The following GPR158 variants were observed in gnomAD, a reference collection of about 807,000 sequenced individuals.
GPR158 encodes G protein-coupled receptor 158.
GPR158 carries 30 observed loss-of-function variants against 78.2 expected under a neutral mutation model. That is an observed-to-expected ratio of 0.38 (90% CI 0.29 to 0.52). The LOEUF (loss-of-function observed/expected upper bound fraction) is 0.52. Among genes scored for constraint, GPR158 ranks in the 20% least tolerant of loss-of-function variants. The pLI, the probability that GPR158 is intolerant of heterozygous loss-of-function variation, is 0.83. For missense variants in GPR158, 1,463 were observed against 1,523.5 expected (o/e 0.96, Z 0.66); for synonymous variants, 581 against 591.1 (o/e 0.98, Z 0.25).
intron 5 of GPR158, among the ~76,000 whole-genome samples, chr10:25,514,998 A>T (rs940821096): frequency 1.3e-5 from 2 of 152,042 alleles, no homozygotes; most frequent in Non-Finnish European, 2.9e-5. Context: ...TGCCTAGGTG[A>T]TGATCTTTTT....
At chr10:25,595,326 A>G (rs1837385791) in intron 9 of GPR158, among the ~76,000 whole-genome samples, 1 of 152,246 alleles carries the variant, frequency 6.6e-6, no homozygotes, top group Admixed American at 6.5e-5. Context: ...GTATTTGTAT[A>G]GATTATCTTA....
chr10:25,526,117 A>G (rs1017459399), intron 5 of GPR158, among the ~76,000 whole-genome samples: 22 of 150,964 alleles, frequency 1.5e-4, no homozygotes, highest in African/African-American at 4.1e-4. Context: ...AAAAAAAAAA[A>G]AAAAAAAAAA....
intron 7 of GPR158, among the ~76,000 whole-genome samples, chr10:25,576,405 A>G (rs572378713): frequency 6.6e-6 from 1 of 152,262 alleles, no homozygotes; most frequent in Admixed American, 6.5e-5. Context: ...GACTGTTTTC[A>G]TTGTACTTTA....
At chr10:25,277,320 T>A (rs909549133) in intron 2 of GPR158, among the ~76,000 whole-genome samples, 4 of 152,112 alleles carry the variant, frequency 2.6e-5, no homozygotes, top group African/African-American at 9.7e-5. Flanking sequence ...GATAAAGTTA[T>A]AATGAGTAGG....
intron 7 of GPR158, among the ~76,000 whole-genome samples, chr10:25,587,125 T>G (rs889869421): frequency 1.3e-5 from 2 of 152,136 alleles, no homozygotes; most frequent in African/African-American, 4.8e-5. Context: ...GGTGGTTGGT[T>G]AGGCAATCAT....
chr10:25,239,376 A>G (rs1394530305), intron 2 of GPR158, among the ~76,000 whole-genome samples: 1 of 151,970 alleles, frequency 6.6e-6, no homozygotes, highest in South Asian at 2.1e-4. Flanking sequence ...CGAGGCAGGC[A>G]GATCTCCTGA....
chr10:25,464,966 A>T lies in GPR158; in HGVS notation c.1336-1685A>T, dbSNP rs190294614. On this transcript the variant is annotated intron_variant, in intron 4 of 10. Transcript: ENST00000376351. Reference sequence around the variant, plus strand: ...TGACCAATAGCAAGAAGCCACTCAAATAATCAAGGCTGTTCACTGACTAAA... The same window carrying T: ...TGACCAATAGCAAGAAGCCACTCAATTAATCAAGGCTGTTCACTGACTAAA... Among the ~76,000 whole-genome samples, 16 of 152,340 alleles carry T rather than the reference A, an allele frequency of 1.1e-4. No homozygotes were observed. The East Asian group carries it at 3.1e-3, about 29-fold the overall frequency.
At chr10:25,441,081 A>G (rs947469262) in intron 4 of GPR158, among the ~76,000 whole-genome samples, 1 of 152,246 alleles carries the variant, frequency 6.6e-6, no homozygotes, top group Non-Finnish European at 1.5e-5. Context: ...GGCCTATGGC[A>G]GTAGAAATTT....
chr10:25,276,919 A>C (rs117257529), intron 2 of GPR158, among the ~76,000 whole-genome samples: 1,817 of 151,804 alleles, frequency 0.012, 14 homozygotes, highest in South Asian at 0.022. Context: ...TTTTTCCCAC[A>C]TCCAGAGTAT....
At chr10:25,550,771 A>T (rs939545145) in intron 5 of GPR158, among the ~76,000 whole-genome samples, 16 of 152,078 alleles carry the variant, frequency 1.1e-4, no homozygotes, top group South Asian at 2.1e-4. Context: ...AAATTTTAAG[A>T]ATTTAGATTT....
intron 5 of GPR158, among the ~76,000 whole-genome samples, chr10:25,511,825 C>A (rs1254090814): frequency 2.0e-5 from 3 of 151,926 alleles, no homozygotes; most frequent in African/African-American, 4.8e-5. Flanking sequence ...TTTGATTTGT[C>A]GAAGATCAGT....
intron 5 of GPR158, among the ~76,000 whole-genome samples, chr10:25,511,052 G>A (rs1836077886): frequency 6.6e-6 from 1 of 152,054 alleles, no homozygotes; most frequent in Non-Finnish European, 1.5e-5. Context: ...TTTTTTCTGG[G>A]TAGATACCTG....
chr10:25,246,781 T>C (rs566920171), intron 2 of GPR158, among the ~76,000 whole-genome samples: 1 of 152,322 alleles, frequency 6.6e-6, no homozygotes, highest in Non-Finnish European at 1.5e-5. Flanking sequence ...CACTGCTTTA[T>C]GCAGCTGATT....
chr10:25,241,665 C>A (rs1853631494), intron 2 of GPR158, among the ~76,000 whole-genome samples: 1 of 152,106 alleles, frequency 6.6e-6, no homozygotes, highest in South Asian at 2.1e-4. Flanking sequence ...CAGGTGATCC[C>A]CCCACCTTGG....
intron 2 of GPR158, among the ~76,000 whole-genome samples, chr10:25,302,964 A>G (rs1356012321): frequency 6.6e-6 from 1 of 152,194 alleles, no homozygotes; most frequent in Admixed American, 6.5e-5. Flanking sequence ...CTTTGACTCA[A>G]TTCTTCGTCT....
chr10:25,329,358 C>A (rs1173699424), intron 2 of GPR158, among the ~76,000 whole-genome samples: 1 of 151,192 alleles, frequency 6.6e-6, no homozygotes, highest in Admixed American at 6.6e-5. Context: ...GAGAATGGCA[C>A]GAACCCCGGG....
intron 6 of GPR158, among the ~76,000 whole-genome samples, chr10:25,555,537 A>G (rs148348357): frequency 7.2e-5 from 11 of 152,270 alleles, no homozygotes; most frequent in Admixed American, 6.5e-4. Context: ...CTGCTAAGCA[A>G]TTTTCTTTTA....
At chr10:25,248,408 G>A (rs938241308) in intron 2 of GPR158, among the ~76,000 whole-genome samples, 63 of 152,080 alleles carry the variant, frequency 4.1e-4, no homozygotes, top group African/African-American at 1.4e-3. Context: ...GTCCTGAATG[G>A]TAATGCCTAG....
chr10:25,292,612 G>C (rs1446195750), intron 2 of GPR158, among the ~76,000 whole-genome samples: 3 of 152,008 alleles, frequency 2.0e-5, no homozygotes, highest in African/African-American at 7.2e-5. Flanking sequence ...GCTAAATTTA[G>C]TATAATGACC....
Sources: allele counts gnomAD v4.1 joint callset (sites outside exome capture counted in the v4.1 genomes callset), GRCh38; gene constraint gnomAD v4.1.1; transcripts MANE v1.5; gene names NCBI Gene and HGNC (gene_info 2026-07-23, HGNC 2026-07-21).